PARPBP: variants seen among roughly 807,000 people sequenced by gnomAD.
PARPBP encodes PARP1 binding protein, also known as PCNA-interacting partner.
Under a neutral mutation model 50.0 loss-of-function variants are expected in PARPBP, and 52 were observed. That is an observed-to-expected ratio of 1.04 (90% confidence interval 0.83 to 1.31). PARPBP has a LOEUF of 1.31. Ranked by LOEUF, PARPBP falls within the 50% of genes most tolerant of loss-of-function variation. PARPBP has a pLI of 0.00. For missense variants in PARPBP, 697 were observed against 672.0 expected (o/e 1.04, Z -0.41); for synonymous variants, 244 against 232.1 (o/e 1.05, Z -0.47).
rs561359849 is a variant in PARPBP at position 102,166,170 on chromosome 12, C to T, written c.821+287C>T. On this transcript the variant is annotated intron_variant, in intron 6 of 10. Transcript: ENST00000327680. ...GATGAAATAGATTTTTGAGGACTGG[C>T]AATGAGCAGACAGATAATTTCTGTA... is the stretch of plus-strand genomic sequence containing the variant. 5.9e-5 allele frequency among the ~76,000 whole-genome samples: 9 copies of T among 152,044 alleles called. No individual in the cohort carries two copies. The East Asian group carries it at 1.2e-3, about 20-fold the overall frequency.
intron 2 of PARPBP, among the ~76,000 whole-genome samples, chr12:102,147,726 TAAAA>T (rs546140105): frequency 6.6e-6 from 1 of 151,674 alleles, no homozygotes; most frequent in African/African-American, 2.4e-5. Context: ...AATAATAAAA[TAAAA>T]AAAATTAATC....
intron 7 of PARPBP, among the ~76,000 whole-genome samples, chr12:102,176,700 T>G (rs1040121398): frequency 4.6e-5 from 7 of 152,232 alleles, no homozygotes; most frequent in African/African-American, 7.2e-5. Context: ...GTAGCCAGTG[T>G]ATGAAGAAAG....
chr12:102,182,593 G>T lies in PARPBP; in HGVS notation c.1229G>T (p.Arg410Leu). 6.2e-7 allele frequency: 1 copy of T among 1,611,420 alleles called. No homozygotes were observed. The highest frequency in any genetic ancestry group is 8.5e-7 in the Non-Finnish European group (1 of 1,178,572). ...AATTCGATAAAACCCCTAAGAGAACGCATCTGTGTGTCAATGCAAGAGAAA... is the reference window on the plus strand; with the variant it reads ...AATTCGATAAAACCCCTAAGAGAACTCATCTGTGTGTCAATGCAAGAGAAA... ...VNNSIKPLRE[R>L]ICVSMQEKKI... is the part of the protein sequence containing the mutation. Residue 410 changes from arginine to leucine, a missense_variant, in exon 9 of 11, where the codon CGC becomes CTC. Physicochemically the swap from Arg to Leu is moderately radical, Grantham distance 102 (BLOSUM62 -2). Coordinates refer to ENST00000327680, the MANE Select transcript of PARPBP (RefSeq NM_017915.5).
intron 2 of PARPBP, among the ~76,000 whole-genome samples, chr12:102,147,881 C>T (rs1256172403): frequency 6.6e-6 from 1 of 151,840 alleles, no homozygotes; most frequent in Non-Finnish European, 1.5e-5. Context: ...CAAAATTTTC[C>T]CCCATCAATA....
intron 7 of PARPBP, 103 bp from the exon 8 acceptor site, chr12:102,178,489 A>T: frequency 1.6e-6 from 1 of 609,892 alleles, no homozygotes; most frequent in Non-Finnish European, 2.7e-6. Context: ...TTATTACTTT[A>T]ACAATAGATG....
chr12:102,124,129 A>G, intron 2 of PARPBP, 88 bp downstream of exon 2: 1 of 890,704 alleles, frequency 1.1e-6, no homozygotes, highest in Non-Finnish European at 1.7e-6. Context: ...TAAGAATATT[A>G]ATTTCTTTAC....
intron 5 of PARPBP, 61 bp from the exon 6 acceptor site, chr12:102,165,668 G>T: frequency 7.8e-7 from 1 of 1,275,166 alleles, no homozygotes; most frequent in Non-Finnish European, 1.1e-6. Flanking sequence ...TTAGCTTTAT[G>T]AAGTAAATTA....
intron 9 of PARPBP, among the ~76,000 whole-genome samples, chr12:102,191,454 T>C (rs2137376298): frequency 6.6e-6 from 1 of 152,288 alleles, no homozygotes; most frequent in East Asian, 1.9e-4. Context: ...AGAATATTTT[T>C]AGTTACATAT....
chr12:102,159,219 C>T (rs1378042057), intron 4 of PARPBP, among the ~76,000 whole-genome samples: 1 of 152,198 alleles, frequency 6.6e-6, no homozygotes, highest in Non-Finnish European at 1.5e-5. Flanking sequence ...CAACCTCCGC[C>T]TCCTGGGTTC....
intron 6 of PARPBP, among the ~76,000 whole-genome samples, chr12:102,175,137 T>C (rs1161500750): frequency 6.6e-6 from 1 of 152,356 alleles, no homozygotes; most frequent in African/African-American, 2.4e-5. Context: ...CAATGAGAGA[T>C]AACTGTTCTT....
chr12:102,183,134 C>T (rs1331688919), intron 9 of PARPBP, among the ~76,000 whole-genome samples: 1 of 152,140 alleles, frequency 6.6e-6, no homozygotes, highest in Non-Finnish European at 1.5e-5. Context: ...TATGAAACAT[C>T]TGTGCCTATA....
chr12:102,174,271 T>C (rs1194978496), intron 6 of PARPBP, among the ~76,000 whole-genome samples: 1 of 152,164 alleles, frequency 6.6e-6, no homozygotes, highest in Non-Finnish European at 1.5e-5. Context: ...CTGGAGTTGA[T>C]GTTTTAAACA....
rs142054565 is a variant in PARPBP, at chr12:102,120,787, C to T, written c.-4+501C>T. The stretch of plus-strand genomic sequence containing the variant: ...GTCTCATTCTGTGAGGTAGGAATTC[C>T]CTTCCTGGTTTTGCAGGTGAAGAAA... On this transcript the variant is annotated intron_variant, in intron 1 of 10. Coordinates refer to ENST00000327680, the MANE Select transcript of PARPBP (RefSeq NM_017915.5). Among the ~76,000 whole-genome samples the T allele has an allele frequency of 1.3e-4, 20 of 152,270 alleles. No individual in the cohort carries two copies. The East Asian group carries it at 3.9e-3, about 29-fold the overall frequency.
chr12:102,121,571 T>TA lies in PARPBP; in HGVS notation c.-4+1287dup, dbSNP rs1555208658. Reference sequence around the variant, plus strand: ...TTTTTTTTTTTTTTTTTTTTTTTTTTAAGACAGAGTCTCACTCTGTCACCT... The same window carrying TA: ...TTTTTTTTTTTTTTTTTTTTTTTTTTAAAGACAGAGTCTCACTCTGTCACCT... On this transcript the variant is annotated intron_variant, in intron 1 of 10. Coordinates refer to ENST00000327680, the MANE Select transcript of PARPBP (RefSeq NM_017915.5). 3.2e-3 allele frequency among the ~76,000 whole-genome samples: 402 copies of TA among 127,320 alleles called. 14 individuals carry two copies. The highest frequency in any genetic ancestry group is 9.6e-3 in the African/African-American group (314 of 32,658). The allele number at this position is 127,320 out of a possible 152,430, so 83.5% of individuals were successfully genotyped here.
chr12:102,123,495 T>C (rs1161392589), intron 1 of PARPBP, among the ~76,000 whole-genome samples: 1 of 151,296 alleles, frequency 6.6e-6, no homozygotes, highest in African/African-American at 2.4e-5. Flanking sequence ...ATTGGCTTTT[T>C]AGGTTTTTTT....
At chr12:102,132,806 T>C (rs1482461804) in intron 2 of PARPBP, among the ~76,000 whole-genome samples, 1 of 152,166 alleles carries the variant, frequency 6.6e-6, no homozygotes, top group Non-Finnish European at 1.5e-5. Context: ...ACTTTCCGTA[T>C]ACTTGTGTCT....
Position 102,169,052 on chromosome 12 carries a change from C to A in PARPBP, c.821+3169C>A, listed in dbSNP as rs143653740. On this transcript the variant is annotated intron_variant, in intron 6 of 10. Transcript: ENST00000327680. The stretch of plus-strand genomic sequence containing the variant: ...TCACCAATATTCCCTAGCCCTAGCA[C>A]AATTTTTGCCAGAATAGACAGTCAA... Among the ~76,000 whole-genome samples, 1,001 of 152,238 alleles carry A rather than the reference C, an allele frequency of 6.6e-3. 8 individuals carry two copies. Among genetic ancestry groups the A allele is most frequent in the Non-Finnish European group, 1.0e-2 (678 of 68,006 alleles).
intron 9 of PARPBP, among the ~76,000 whole-genome samples, chr12:102,189,504 C>A (rs751373722): frequency 6.6e-6 from 1 of 152,060 alleles, no homozygotes; most frequent in African/African-American, 2.4e-5. Flanking sequence ...ATTAATTATC[C>A]GCACATGGCT....
intron 2 of PARPBP, among the ~76,000 whole-genome samples, chr12:102,133,796 C>G (rs1229939928): frequency 1.3e-5 from 2 of 151,980 alleles, no homozygotes; most frequent in Non-Finnish European, 2.9e-5. Context: ...AGTATCTTTT[C>G]TGATTACAGT....
Sources: gnomAD v4.1 joint callset for allele counts (sites outside exome capture counted in the v4.1 genomes callset) on GRCh38, gnomAD v4.1.1 for gene constraint, MANE v1.5 for transcripts, NCBI Gene and HGNC (gene_info 2026-07-23, HGNC 2026-07-21) for gene names.